CFAP161: variants seen among roughly 807,000 people sequenced by gnomAD.
The protein encoded by CFAP161 is cilia- and flagella-associated protein 161.
A neutral mutation model predicts 29.0 loss-of-function variants in CFAP161; 25 were observed. The observed-to-expected ratio is 0.86, with a 90% CI of 0.63 to 1.20. The LOEUF (loss-of-function observed/expected upper bound fraction) is 1.20, where lower values mean the gene tolerates loss of function less well. CFAP161 is among the 50% of genes most tolerant of loss of function. The pLI, the probability that CFAP161 is intolerant of heterozygous loss-of-function variation, is 0.00. For missense variants in CFAP161, 367 were observed against 371.9 expected (o/e 0.99, Z 0.11); for synonymous variants, 116 against 137.4 (o/e 0.84, Z 1.09).
intron 1 of CFAP161, among the ~76,000 whole-genome samples, chr15:81,125,979 C>T (rs1894636345): frequency 2.6e-5 from 4 of 152,160 alleles, no homozygotes. Flanking sequence ...AAGTGATTCT[C>T]TTGCCTCAGC....
At position 81,134,289 on chromosome 15, in the gene CFAP161, T is replaced by A. The variant is rs1894768394; in HGVS notation, c.-41T>A. ...CATGGCGACGCGCCACGCTAACGCATGGTGTCGGAGGGAGGCCCACTTGCT... is the reference window on the plus strand; with the variant it reads ...CATGGCGACGCGCCACGCTAACGCAAGGTGTCGGAGGGAGGCCCACTTGCT... On this transcript the variant is annotated 5_prime_UTR_variant, in exon 1 of 7. An upstream start codon of the reference 5' UTR is lost. Transcript: ENST00000286732. The A allele has an allele frequency of 1.9e-6, 3 of 1,561,742 alleles. No individual in the cohort carries two copies. Among genetic ancestry groups the A allele is most frequent in the African/African-American group, 1.3e-5 (1 of 74,154 alleles).
intron 2 of CFAP161, among the ~76,000 whole-genome samples, chr15:81,128,071 T>C (rs1894663035): frequency 6.6e-6 from 1 of 152,222 alleles, no homozygotes; most frequent in South Asian, 2.1e-4. Flanking sequence ...CTTGTAGAAG[T>C]ATTTTTTGTA....
chr15:81,106,559 C>T (rs1218169269), intron 1 of CFAP161, among the ~76,000 whole-genome samples: 1 of 152,226 alleles, frequency 6.6e-6, no homozygotes, highest in Non-Finnish European at 1.5e-5. Flanking sequence ...GAATCAGAGA[C>T]CCACTTGTAA....
chr15:81,128,155 G>A (rs376754124), intron 2 of CFAP161, among the ~76,000 whole-genome samples: 3 of 152,136 alleles, frequency 2.0e-5, no homozygotes, highest in East Asian at 1.9e-4. Context: ...ATAAGTGTGA[G>A]AACCCTCTCT....
At chr15:81,111,671 C>G (rs1156415692) in intron 1 of CFAP161, among the ~76,000 whole-genome samples, 1 of 152,200 alleles carries the variant, frequency 6.6e-6, no homozygotes, top group African/African-American at 2.4e-5. Flanking sequence ...CCCTCTGCCT[C>G]TCATCACCCT....
At chr15:81,122,854 T>C (rs1373083789) in intron 1 of CFAP161, among the ~76,000 whole-genome samples, 1 of 152,154 alleles carries the variant, frequency 6.6e-6, no homozygotes, top group Non-Finnish European at 1.5e-5. Flanking sequence ...AAGTGTCTGC[T>C]CATGTCTTTT....
intron 1 of CFAP161, among the ~76,000 whole-genome samples, chr15:81,103,742 C>T (rs1050946762): frequency 6.6e-6 from 1 of 152,182 alleles, no homozygotes; most frequent in Non-Finnish European, 1.5e-5. Context: ...GGAATCCCAA[C>T]TTGAAGCCAG....
At chr15:81,134,161 C>T (rs1428961047), upstream of CFAP161, 1 of 691,006 alleles carries the variant, frequency 1.4e-6, no homozygotes, top group Non-Finnish European at 2.4e-6. Context: ...CAGACAGCCG[C>T]TGACCCAGAC....
chr15:81,118,292 C>A, intron 1 of CFAP161: 2 of 504,990 alleles, frequency 4.0e-6, no homozygotes, highest in South Asian at 3.7e-5. Flanking sequence ...GTTAAGCTCT[C>A]AATTTTCCAG....
intron 4 of CFAP161, among the ~76,000 whole-genome samples, chr15:81,142,142 A>C (rs1894920568): frequency 6.6e-6 from 1 of 151,538 alleles, no homozygotes; most frequent in African/African-American, 2.4e-5. Context: ...CTCCCTTCAT[A>C]CTGCACTTTG....
rs1567157821 is a variant in CFAP161, at chr15:81,136,552, T to A, written c.196T>A (p.Tyr66Asn). The change falls in exon 3 of 7, where the codon TAC (tyrosine) becomes AAC (asparagine). Residue 66 changes from tyrosine (Y) to asparagine (N), a missense_variant. By Grantham distance (143) the Tyr-to-Asn change is moderately radical (BLOSUM62 -2). Coordinates refer to ENST00000286732, the MANE Select transcript of CFAP161 (RefSeq NM_173528.4). Reference sequence around the variant, plus strand: ...CGTAACTGAAGATGGCTATATTCATTACGGTGACAAAGTGATGCTTGTGAA... The same window carrying A: ...CGTAACTGAAGATGGCTATATTCATAACGGTGACAAAGTGATGCTTGTGAA... ...LSVTEDGYIHYGDKVMLVNPD... is the reference protein window; with the variant it reads ...LSVTEDGYIHNGDKVMLVNPD... The A allele has an allele frequency of 6.2e-7, 1 of 1,614,232 alleles. No homozygotes were observed. Among genetic ancestry groups the A allele is most frequent in the Middle Eastern group, 1.6e-4 (1 of 6,062 alleles).
intron 3 of CFAP161, among the ~76,000 whole-genome samples, chr15:81,137,226 G>A (rs996126504): frequency 6.6e-6 from 1 of 152,050 alleles, no homozygotes; most frequent in Non-Finnish European, 1.5e-5. Flanking sequence ...TAAATCCTTA[G>A]AGAAGAAATA....
chr15:81,105,092 C>CCCTCCCTCCCTCCCTCCCTCCCTCCTT (rs201054044), intron 1 of CFAP161, among the ~76,000 whole-genome samples: 1 of 53,452 alleles, frequency 1.9e-5, no homozygotes. Context: ...CTTTTCTTTT[C>CCCTCCCTCCCTCCCTCCCTCCCTCCTT]CCTCCCTCCC....
intron 4 of CFAP161, among the ~76,000 whole-genome samples, chr15:81,139,556 AATGAC>A (rs1411467302): frequency 4.6e-5 from 7 of 152,196 alleles, no homozygotes; most frequent in Admixed American, 3.9e-4. Context: ...AGCTTTTTAA[AATGAC>A]GAAATCATTT....
intron 1 of CFAP161, among the ~76,000 whole-genome samples, chr15:81,106,020 G>A (rs1894368728): frequency 6.6e-6 from 1 of 152,166 alleles, no homozygotes; most frequent in Non-Finnish European, 1.5e-5. Context: ...GTTGCTCATT[G>A]CTAAGAAAAA....
intron 1 of CFAP161, among the ~76,000 whole-genome samples, chr15:81,108,272 A>T (rs1894398520): frequency 6.6e-6 from 1 of 152,148 alleles, no homozygotes; most frequent in African/African-American, 2.4e-5. Flanking sequence ...TTCTTGTTGC[A>T]TTCTGAATCT....
rs1297373834 is a variant in CFAP161, at chr15:81,143,811, C to T, written c.627C>T (p.Phe209=). Reference sequence around the variant, plus strand: ...AGTTACGCCTGGAATATGAAGGCTTCCCCGTCCCGGTGAGTGCAGCATCGG... The same window carrying T: ...AGTTACGCCTGGAATATGAAGGCTTTCCCGTCCCGGTGAGTGCAGCATCGG... ...DPQLRLEYEG[F]PVPANAKILI... The change falls in exon 5 of 7, where the codon TTC becomes TTT. Residue 209 remains phenylalanine, a synonymous_variant. Coordinates refer to ENST00000286732, the MANE Select transcript of CFAP161 (RefSeq NM_173528.4). 2 of 1,614,024 alleles carry T rather than the reference C, an allele frequency of 1.2e-6. No homozygotes were observed. The highest frequency in any genetic ancestry group is 1.7e-6 in the Non-Finnish European group (2 of 1,179,942).
At chr15:81,131,682 G>A (rs1894713196), upstream of CFAP161, among the ~76,000 whole-genome samples, 1 of 152,120 alleles carries the variant, frequency 6.6e-6, no homozygotes, top group South Asian at 2.1e-4. Flanking sequence ...GCATCTTGGA[G>A]GAATGCAGGA....
chr15:81,138,753 A>G (rs1376048043), intron 4 of CFAP161, among the ~76,000 whole-genome samples: 1 of 152,170 alleles, frequency 6.6e-6, no homozygotes, highest in East Asian at 1.9e-4. Flanking sequence ...ACTACATGCC[A>G]GGCAGTGTTG....
Sources: gnomAD v4.1 joint callset for allele counts (sites outside exome capture counted in the v4.1 genomes callset) on GRCh38, gnomAD v4.1.1 for gene constraint, MANE v1.5 for transcripts, NCBI Gene and HGNC (gene_info 2026-07-23, HGNC 2026-07-21) for gene names.